IFTAP: variants seen among roughly 807,000 people sequenced by gnomAD.
The protein encoded by IFTAP is intraflagellar transport associated protein, also known as intraflagellar transport-associated protein.
IFTAP carries 19 observed loss-of-function variants against 19.4 expected under a neutral mutation model. The ratio of observed to expected loss-of-function variants is 0.98; its 90% CI spans 0.68 to 1.44. The LOEUF is 1.44. Ranked by LOEUF, IFTAP falls within the 40% of genes most tolerant of loss-of-function variation. The pLI is 0.00. For synonymous variants in IFTAP, 85 were observed against 83.5 expected (o/e 1.02, Z -0.10); for missense variants, 240 against 253.6 (o/e 0.95, Z 0.36).
chr11:36,599,810 AT>A (rs1851436715), intron 1 of IFTAP, among the ~76,000 whole-genome samples: 1 of 152,194 alleles, frequency 6.6e-6, no homozygotes. Flanking sequence ...TTTATGTGTT[AT>A]ATAAAGTGTT....
chr11:36,638,062 A>G lies in IFTAP; in HGVS notation c.358+1945A>G, dbSNP rs548974382. Among the ~76,000 whole-genome samples the G allele has an allele frequency of 3.3e-5, 5 of 151,986 alleles. No individual in the cohort carries two copies. The East Asian group carries it at 9.7e-4, about 30-fold the overall frequency. Reference sequence around the variant, plus strand: ...TGCCTGGCTAATTTTTATGTATTTTAGTAGAGATAGGGTTTCACTGTGTTG... The same window carrying G: ...TGCCTGGCTAATTTTTATGTATTTTGGTAGAGATAGGGTTTCACTGTGTTG... On this transcript the variant is annotated intron_variant, in intron 4 of 5. Coordinates refer to ENST00000334307, the MANE Select transcript of IFTAP (RefSeq NM_138787.4).
chr11:36,614,173 G>GT (rs1395993892), intron 2 of IFTAP, among the ~76,000 whole-genome samples: 1 of 145,408 alleles, frequency 6.9e-6, no homozygotes. Context: ...GCGGTGTTTG[G>GT]TTTTTTGTTC....
chr11:36,647,991 A>G (rs756946197), intron 4 of IFTAP, 25 bp from the exon 5 acceptor site: 21 of 1,603,544 alleles, frequency 1.3e-5, no homozygotes, highest in Non-Finnish European at 1.7e-5. Flanking sequence ...CGAAAGGCTC[A>G]GTTGAAATGT....
chr11:36,622,382 C>T (rs891226510), intron 2 of IFTAP, among the ~76,000 whole-genome samples: 1 of 152,022 alleles, frequency 6.6e-6, no homozygotes, highest in Non-Finnish European at 1.5e-5. Context: ...TTGTGGTAGG[C>T]AATAGGACAT....
intron 4 of IFTAP, among the ~76,000 whole-genome samples, chr11:36,639,759 C>T (rs1853121632): frequency 6.6e-6 from 1 of 152,204 alleles, no homozygotes; most frequent in East Asian, 1.9e-4. Context: ...CCAGTACCTA[C>T]CTCCAACATT....
intron 2 of IFTAP, among the ~76,000 whole-genome samples, chr11:36,628,476 C>T (rs1852604176): frequency 6.6e-6 from 1 of 151,264 alleles, no homozygotes; most frequent in Non-Finnish European, 1.5e-5. Flanking sequence ...TCTCTTATAT[C>T]ATCTGCCATC....
chr11:36,620,443 T>G (rs1341982950), intron 2 of IFTAP, among the ~76,000 whole-genome samples: 1 of 152,006 alleles, frequency 6.6e-6, no homozygotes, highest in East Asian at 1.9e-4. Flanking sequence ...ATTGACAAAT[T>G]ATGAAACACA....
intron 2 of IFTAP, among the ~76,000 whole-genome samples, chr11:36,625,156 A>G (rs745710262): frequency 3.3e-5 from 5 of 152,168 alleles, no homozygotes; most frequent in Admixed American, 6.5e-5. Context: ...AACTTACTTA[A>G]CATTTCTGAG....
At chr11:36,611,916 T>A (rs889572746) in intron 2 of IFTAP, among the ~76,000 whole-genome samples, 2 of 152,016 alleles carry the variant, frequency 1.3e-5, no homozygotes, top group Non-Finnish European at 2.9e-5. Flanking sequence ...GCAATATGAA[T>A]GGCTGTGGTG....
At chr11:36,646,604 A>G (rs1853494141) in intron 4 of IFTAP, among the ~76,000 whole-genome samples, 1 of 152,176 alleles carries the variant, frequency 6.6e-6, no homozygotes, top group Admixed American at 6.6e-5. Context: ...ATCCAGTAAA[A>G]TAAAATATGT....
intron 2 of IFTAP, among the ~76,000 whole-genome samples, chr11:36,617,223 TTA>T (rs961803021): frequency 4.4e-4 from 65 of 148,664 alleles, no homozygotes; most frequent in African/African-American, 1.6e-3. Context: ...ATTTGTATAT[TTA>T]TTTTTTTGTA....
chr11:36,599,094 A>G lies in IFTAP; in HGVS notation c.-24+4502A>G, dbSNP rs180985072. On this transcript the variant is annotated intron_variant, in intron 1 of 5. Transcript: ENST00000334307. ...CTGCAACCTCTGCTACCCAGGTTCA[A>G]GCGATTCTCCTACCTCAGCCTCCCG... is the stretch of plus-strand genomic sequence containing the variant. 2.7e-3 allele frequency among the ~76,000 whole-genome samples: 406 copies of G among 152,228 alleles called. 1 individual carries two copies. The highest frequency in any genetic ancestry group is 4.8e-3 in the Non-Finnish European group (325 of 68,010).
intron 5 of IFTAP, among the ~76,000 whole-genome samples, chr11:36,657,661 T>A (rs1854052500): frequency 6.6e-6 from 1 of 152,200 alleles, no homozygotes; most frequent in Admixed American, 6.5e-5. Context: ...TCTCCCTTAC[T>A]AACTGTGTAT....
In IFTAP at chr11:36,630,272, G is replaced by A. The variant is rs539920608; in HGVS notation, c.137-3012G>A. Among the ~76,000 whole-genome samples the A allele has an allele frequency of 5.9e-5, 9 of 151,286 alleles. 1 individual carries two copies. Among genetic ancestry groups the A allele is most frequent in the African/African-American group, 1.7e-4 (7 of 40,620 alleles). ...TTATTTGCTGGATTTTAAAAACAAC[G>A]ATAAAAGCCTTTAGAAGGAGCACTT... On this transcript the variant is annotated intron_variant, in intron 2 of 5. Coordinates refer to ENST00000334307, the MANE Select transcript of IFTAP (RefSeq NM_138787.4).
At chr11:36,618,799 G>C (rs1055282589) in intron 2 of IFTAP, among the ~76,000 whole-genome samples, 2 of 151,996 alleles carry the variant, frequency 1.3e-5, no homozygotes, top group Middle Eastern at 3.2e-3. Flanking sequence ...AATACACATT[G>C]CTCGTGATTT....
chr11:36,625,525 A>G (rs1301565507), intron 2 of IFTAP, among the ~76,000 whole-genome samples: 2 of 152,174 alleles, frequency 1.3e-5, no homozygotes, highest in African/African-American at 4.8e-5. Flanking sequence ...ATTCACTTGT[A>G]TGGATATTTG....
At chr11:36,639,951 C>A (rs1853131875) in intron 4 of IFTAP, among the ~76,000 whole-genome samples, 1 of 152,214 alleles carries the variant, frequency 6.6e-6, no homozygotes, top group Non-Finnish European at 1.5e-5. Flanking sequence ...TAGGCCACCC[C>A]TGAACGACTA....
chr11:36,626,290 G>A (rs769630590), intron 2 of IFTAP, among the ~76,000 whole-genome samples: 10 of 151,194 alleles, frequency 6.6e-5, no homozygotes, highest in African/African-American at 7.4e-5. Flanking sequence ...CATTTCTTTC[G>A]GATACATTCT....
intron 1 of IFTAP, among the ~76,000 whole-genome samples, chr11:36,607,089 A>G (rs1044849693): frequency 1.3e-5 from 2 of 152,184 alleles, no homozygotes; most frequent in Non-Finnish European, 2.9e-5. Context: ...TTTTCACTCA[A>G]TCCTCTACAA....
Sources: gnomAD v4.1 joint callset for allele counts (sites outside exome capture counted in the v4.1 genomes callset) on GRCh38, gnomAD v4.1.1 for gene constraint, MANE v1.5 for transcripts, NCBI Gene and HGNC (gene_info 2026-07-23, HGNC 2026-07-21) for gene names.